The following SLC44A1 variants were observed in gnomAD, a reference collection of about 807,000 sequenced individuals.
SLC44A1 encodes solute carrier family 44 member 1, also known as choline transporter-like protein 1.
In SLC44A1, 26 loss-of-function variants were observed where a neutral mutation model predicts 79.3. The observed-to-expected ratio is 0.33, with a 90% CI of 0.24 to 0.46. The LOEUF is 0.46. Ranked by LOEUF, SLC44A1 falls within the 20% of genes least tolerant of loss-of-function variation. SLC44A1 has a pLI of 1.00. For missense variants in SLC44A1, 688 were observed against 798.1 expected, an observed-to-expected ratio of 0.86 and a Z score of 1.66; for synonymous variants, 263 against 286.2, an observed-to-expected ratio of 0.92 and a Z score of 0.82.
chr9:105,338,057 G>A (rs950352842), intron 4 of SLC44A1, among the ~76,000 whole-genome samples: 1 of 152,188 alleles, frequency 6.6e-6, no homozygotes, highest in African/African-American at 2.4e-5. Context: ...TTAGGGTTTT[G>A]TGCCAGCTGT....
chr9:105,356,736 G>A (rs1444696970), intron 6 of SLC44A1, among the ~76,000 whole-genome samples: 2 of 151,982 alleles, frequency 1.3e-5, no homozygotes, highest in South Asian at 2.1e-4. Flanking sequence ...TATACAGGAG[G>A]CGACATATTC....
rs754212473 is a variant in SLC44A1, at chr9:105,299,273, A to G, written c.90A>G (p.Pro30=). The part of the protein sequence containing the change: ...PLEDRSCTDI[P]WLLLFILFCI... ...AGGACCGTAGCTGCACAGACATACC[A>G]TGGCTGCTGCTCTTCATCCTCTTCT... Residue 30 remains proline (P), a synonymous_variant, in exon 2 of 16, where the codon CCA becomes CCG. Coordinates refer to ENST00000374720, the MANE Select transcript of SLC44A1 (RefSeq NM_080546.5). The G allele has an allele frequency of 2.2e-5, 35 of 1,597,640 alleles. No homozygotes were observed. The Middle Eastern group carries it at 5.1e-4, about 23-fold the overall frequency.
chr9:105,294,695 G>C (rs965538291), intron 1 of SLC44A1: 2 of 151,706 alleles, frequency 1.3e-5, no homozygotes, highest in African/African-American at 4.8e-5. Context: ...GAACTTCTTG[G>C]ATCTGTGCTT....
intron 2 of SLC44A1, 133 bp from the exon 3 acceptor site, chr9:105,309,591 A>C (rs917786382): frequency 4.2e-6 from 3 of 719,712 alleles, no homozygotes; most frequent in Non-Finnish European, 6.9e-6. Context: ...AAACAGTGGA[A>C]TAGTGTTTGC....
chr9:105,302,891 G>A (rs748424223), intron 2 of SLC44A1, among the ~76,000 whole-genome samples: 13 of 152,186 alleles, frequency 8.5e-5, no homozygotes, highest in Non-Finnish European at 1.9e-4. Context: ...GTTTCAGGCA[G>A]ATCACTCTGG....
chr9:105,377,472 TGG>T (rs1303542359), intron 13 of SLC44A1, among the ~76,000 whole-genome samples: 8 of 151,920 alleles, frequency 5.3e-5, no homozygotes, highest in Non-Finnish European at 1.2e-4. Context: ...AAAGATGAGT[TGG>T]GCGCGGTGGC....
At chr9:105,296,788 G>A (rs570129158) in intron 1 of SLC44A1, among the ~76,000 whole-genome samples, 126 of 152,174 alleles carry the variant, frequency 8.3e-4, no homozygotes, top group African/African-American at 2.9e-3. Context: ...CCACAATACA[G>A]GCATTCTTAT....
rs145546192 is a variant in SLC44A1, at chr9:105,380,638, C to T, written c.1633-2485C>T. Among the ~76,000 whole-genome samples the T allele has an allele frequency of 2.1e-3, 323 of 151,878 alleles. 1 individual carries two copies. The highest frequency in any genetic ancestry group is 7.1e-3 in the African/African-American group (294 of 41,382). ...ACTAATATATGTCTTATAAAGCATA[C>T]GAAAGAAGACATTTTAAATGTATGA... On this transcript the variant is annotated intron_variant, in intron 13 of 15. Transcript: ENST00000374720.
intron 3 of SLC44A1, among the ~76,000 whole-genome samples, chr9:105,323,574 G>A (rs1345710071): frequency 1.3e-5 from 2 of 152,208 alleles, no homozygotes; most frequent in Non-Finnish European, 2.9e-5. Flanking sequence ...GTTAACTGTT[G>A]TTTATTATAA....
intron 1 of SLC44A1, among the ~76,000 whole-genome samples, chr9:105,283,518 T>A (rs561895969): frequency 6.6e-6 from 1 of 152,252 alleles, no homozygotes; most frequent in East Asian, 1.9e-4. Flanking sequence ...TCTCTTAACG[T>A]AGAATTCATG....
intron 7 of SLC44A1, among the ~76,000 whole-genome samples, chr9:105,358,684 A>G (rs1827693807): frequency 6.6e-6 from 1 of 152,132 alleles, no homozygotes; most frequent in South Asian, 2.1e-4. Context: ...TACCAGCTGA[A>G]TATGAAACCT....
chr9:105,419,831 T>C (rs1317007811), intron 15 of SLC44A1, among the ~76,000 whole-genome samples: 5 of 150,688 alleles, frequency 3.3e-5, no homozygotes, highest in African/African-American at 1.2e-4. Flanking sequence ...GGAGAATCAC[T>C]TGAACCCGGG....
chr9:105,373,401 T>C (rs1230651026), intron 12 of SLC44A1, among the ~76,000 whole-genome samples: 1 of 152,058 alleles, frequency 6.6e-6, no homozygotes, highest in Non-Finnish European at 1.5e-5. Flanking sequence ...TGTTCTAGAA[T>C]GTAACATAAA....
intron 2 of SLC44A1, among the ~76,000 whole-genome samples, chr9:105,307,704 C>G (rs1831070586): frequency 6.6e-6 from 1 of 152,072 alleles, no homozygotes; most frequent in Admixed American, 6.6e-5. Flanking sequence ...TACTTAACCT[C>G]CTTTTCCAGT....
chr9:105,417,462 G>A (rs934933690), intron 15 of SLC44A1, among the ~76,000 whole-genome samples: 2 of 152,012 alleles, frequency 1.3e-5, no homozygotes, highest in Non-Finnish European at 2.9e-5. Flanking sequence ...ATGGTCTGGT[G>A]GAAAAGCATG....
At chr9:105,272,278 T>C (rs1333924872) in intron 1 of SLC44A1, among the ~76,000 whole-genome samples, 1 of 152,218 alleles carries the variant, frequency 6.6e-6, no homozygotes, top group Non-Finnish European at 1.5e-5. Context: ...TTATATCTCC[T>C]ACCTCACTTT....
At chr9:105,300,318 C>T (rs1036313382) in intron 2 of SLC44A1, among the ~76,000 whole-genome samples, 4 of 152,156 alleles carry the variant, frequency 2.6e-5, no homozygotes, top group Non-Finnish European at 5.9e-5. Flanking sequence ...CTTTCTTAGT[C>T]TTCTACAATT....
chr9:105,321,374 T>G (rs1826388530), intron 3 of SLC44A1, among the ~76,000 whole-genome samples: 1 of 152,206 alleles, frequency 6.6e-6, no homozygotes, highest in Admixed American at 6.5e-5. Context: ...TAGATTTTGT[T>G]ATAGGTTTGA....
In SLC44A1 at chr9:105,334,184, A is replaced by G. The variant is rs150836181; in HGVS notation, c.270-1379A>G. Among the ~76,000 whole-genome samples the G allele has an allele frequency of 6.6e-5, 10 of 151,178 alleles. No homozygotes were observed. The East Asian group carries it at 1.6e-3, about 24-fold the overall frequency. On this transcript the variant is annotated intron_variant, in intron 3 of 15. Transcript: ENST00000374720. The stretch of plus-strand genomic sequence containing the variant: ...TGCCTGGCTTTTTTTCTTTCCTTCT[A>G]TCTGCATAGATAGAACATTAATGGG...
Sources: gnomAD v4.1 joint callset for allele counts (sites outside exome capture counted in the v4.1 genomes callset) on GRCh38, gnomAD v4.1.1 for gene constraint, MANE v1.5 for transcripts, NCBI Gene and HGNC (gene_info 2026-07-23, HGNC 2026-07-21) for gene names.